Variants in PTN observed in about 807,000 individuals in gnomAD.
The protein encoded by PTN is heparin affin regulatory protein.
In PTN, 18 loss-of-function variants were observed where a neutral mutation model predicts 24.1. That is an observed-to-expected ratio of 0.75 (90% CI 0.52 to 1.11). PTN has a LOEUF of 1.11. Ranked by LOEUF, PTN falls within the 50% of genes least tolerant of loss-of-function variation. The probability of loss-of-function intolerance (pLI) is 0.00; values close to 1 mark genes in which losing one functional copy is unlikely to be tolerated. For missense variants in PTN, 163 were observed against 198.8 expected, an observed-to-expected ratio of 0.82 and a Z score of 1.08; for synonymous variants, 78 against 68.6, an observed-to-expected ratio of 1.14 and a Z score of -0.67.
intron 1 of PTN, among the ~76,000 whole-genome samples, chr7:137,292,403 T>C (rs1253306088): frequency 6.6e-6 from 1 of 152,150 alleles, no homozygotes; most frequent in African/African-American, 2.4e-5. Flanking sequence ...GGGTTTTTCC[T>C]GTACTGTTCT....
chr7:137,253,898 G>C (rs1442784047), intron 2 of PTN, among the ~76,000 whole-genome samples: 3 of 152,188 alleles, frequency 2.0e-5, no homozygotes, highest in Admixed American at 1.3e-4. Context: ...GCCAGAGACT[G>C]TGCTAAGTGA....
At chr7:137,328,736 CCATGCCAGGCCAACTGGT>C (rs2128882409) in intron 1 of PTN, among the ~76,000 whole-genome samples, 1 of 152,234 alleles carries the variant, frequency 6.6e-6, no homozygotes, top group African/African-American at 2.4e-5. Flanking sequence ...TGTTGAAACA[CCATGCCAGGCCAACTGGT>C]GTTTGAGAAA....
chr7:137,319,508 T>C (rs1810128466), intron 1 of PTN, among the ~76,000 whole-genome samples: 1 of 152,200 alleles, frequency 6.6e-6, no homozygotes, highest in Admixed American at 6.5e-5. Context: ...TCTTTGTCAC[T>C]TCACCAAGAC....
chr7:137,320,315 G>A (rs1810142477), intron 1 of PTN, among the ~76,000 whole-genome samples: 1 of 152,214 alleles, frequency 6.6e-6, no homozygotes, highest in African/African-American at 2.4e-5. Context: ...ACATAGGACT[G>A]TAAAATCTTT....
chr7:137,235,001 G>T (rs938548349), intron 4 of PTN, among the ~76,000 whole-genome samples: 1 of 152,006 alleles, frequency 6.6e-6, no homozygotes, highest in African/African-American at 2.4e-5. Flanking sequence ...GCTAAAAGAA[G>T]CTAAAATCAT....
chr7:137,289,811 A>T (rs945488077), intron 1 of PTN, among the ~76,000 whole-genome samples: 10 of 152,224 alleles, frequency 6.6e-5, no homozygotes, highest in African/African-American at 2.4e-4. Context: ...GCACAGTTCA[A>T]CCACCATCTT....
intron 1 of PTN, among the ~76,000 whole-genome samples, chr7:137,265,649 C>T (rs1422162524): frequency 6.6e-6 from 1 of 152,162 alleles, no homozygotes; most frequent in African/African-American, 2.4e-5. Context: ...CTGTAGAATC[C>T]TGGAAAACAG....
intron 1 of PTN, among the ~76,000 whole-genome samples, chr7:137,256,901 T>C (rs1808937089): frequency 6.6e-6 from 1 of 152,038 alleles, no homozygotes; most frequent in Admixed American, 6.6e-5. Flanking sequence ...CCAACAAATA[T>C]GAAAAAAAGC....
chr7:137,274,026 CA>C (rs1255342542), intron 1 of PTN, among the ~76,000 whole-genome samples: 21 of 94,504 alleles, frequency 2.2e-4, no homozygotes, highest in African/African-American at 7.2e-4. Flanking sequence ...CTCAAAATTT[CA>C]GAAGCGCACA....
chr7:137,310,604 C>T (rs764050240), intron 1 of PTN, among the ~76,000 whole-genome samples: 2 of 151,938 alleles, frequency 1.3e-5, no homozygotes, highest in Admixed American at 6.6e-5. Context: ...CGGGGTTTCA[C>T]CATGTTGGCC....
At chr7:137,303,719 A>G (rs1585036560) in intron 1 of PTN, among the ~76,000 whole-genome samples, 1 of 152,160 alleles carries the variant, frequency 6.6e-6, no homozygotes, top group East Asian at 1.9e-4. Context: ...AGCACAAATG[A>G]GTTTGAAAAA....
chr7:137,328,739 T>C (rs957535375), intron 1 of PTN, among the ~76,000 whole-genome samples: 3 of 152,100 alleles, frequency 2.0e-5, no homozygotes, highest in Non-Finnish European at 4.4e-5. Context: ...TGAAACACCA[T>C]GCCAGGCCAA....
chr7:137,248,865 C>T (rs1808771969), intron 4 of PTN, among the ~76,000 whole-genome samples: 1 of 152,064 alleles, frequency 6.6e-6, no homozygotes. Context: ...TAGAATCACT[C>T]ATAGTAATCA....
intron 1 of PTN, among the ~76,000 whole-genome samples, chr7:137,259,533 C>T (rs1808996012): frequency 6.6e-6 from 1 of 151,776 alleles, no homozygotes; most frequent in African/African-American, 2.4e-5. Context: ...TAGAAATAAC[C>T]AGAATATTAA....
At chr7:137,246,326 C>A (rs2128870043) in intron 4 of PTN, among the ~76,000 whole-genome samples, 1 of 152,300 alleles carries the variant, frequency 6.6e-6, no homozygotes, top group South Asian at 2.1e-4. Context: ...GAGCAATCGG[C>A]TATACCTTAC....
chr7:137,251,739 C>A (rs1394022642), intron 3 of PTN, among the ~76,000 whole-genome samples: 1 of 151,832 alleles, frequency 6.6e-6, no homozygotes, highest in Non-Finnish European at 1.5e-5. Context: ...TGTTCTCTAG[C>A]TCTATCATTT....
Position 137,251,867 on chromosome 7 carries a change from G to A in PTN, c.290-476C>T, listed in dbSNP as rs557999977. ...TCCAAGTCATGTGCATCAATAGTCT[G>A]TTTCTTCCTATTGCTGAGTAGTATT... On this transcript the variant is annotated intron_variant, in intron 3 of 4. Transcript: ENST00000348225. Among the ~76,000 whole-genome samples the A allele has an allele frequency of 1.7e-4, 26 of 151,942 alleles. No individual in the cohort carries two copies. The South Asian group carries it at 5.2e-3, about 30-fold the overall frequency.
chr7:137,240,081 C>T (rs78223199), intron 4 of PTN, among the ~76,000 whole-genome samples: 1 of 152,284 alleles, frequency 6.6e-6, no homozygotes, highest in Non-Finnish European at 1.5e-5. Context: ...AGAGGCTTTC[C>T]CCGATTACTC....
chr7:137,327,338 C>T (rs1310788803), intron 1 of PTN, among the ~76,000 whole-genome samples: 1 of 152,126 alleles, frequency 6.6e-6, no homozygotes, highest in African/African-American at 2.4e-5. Flanking sequence ...CTTGCTATCA[C>T]TCCTAACATT....
Sources: allele counts gnomAD v4.1 joint callset (sites outside exome capture counted in the v4.1 genomes callset), GRCh38; gene constraint gnomAD v4.1.1; transcripts MANE v1.5; gene names NCBI Gene and HGNC (gene_info 2026-07-23, HGNC 2026-07-21).